Variants in SRGAP3 observed in about 807,000 individuals in gnomAD.
The protein encoded by SRGAP3 is SLIT-ROBO Rho GTPase-activating protein 3.
In SRGAP3, 39 loss-of-function variants were observed where a neutral mutation model predicts 121.1. The observed-to-expected ratio is 0.32, with a 90% CI of 0.25 to 0.42. The LOEUF (loss-of-function observed/expected upper bound fraction) is 0.42, where lower values mean the gene tolerates loss of function less well. SRGAP3 is among the 10% of genes least tolerant of loss of function. SRGAP3 has a pLI of 1.00. For synonymous variants in SRGAP3, 601 were observed against 570.0 expected (o/e 1.05, Z -0.77); for missense variants, 1,213 against 1,470.6 (o/e 0.82, Z 2.86).
chr3:9,291,233 G>C (rs913883293), intron 3 of SRGAP3, among the ~76,000 whole-genome samples: 2 of 152,142 alleles, frequency 1.3e-5, no homozygotes, highest in Non-Finnish European at 2.9e-5. Flanking sequence ...ACATGGTATG[G>C]TGAAAGCATG....
At chr3:9,316,804 A>G (rs1955354767) in intron 3 of SRGAP3, among the ~76,000 whole-genome samples, 1 of 152,336 alleles carries the variant, frequency 6.6e-6, no homozygotes, top group Non-Finnish European at 1.5e-5. Context: ...TTAAAGAAAT[A>G]CTTGATTTGA....
At chr3:9,083,947 C>T in intron 3 of SRGAP3, among the ~76,000 whole-genome samples, 1 of 152,176 alleles carries the variant, frequency 6.6e-6, no homozygotes, top group East Asian at 1.9e-4. Context: ...TTAGCTGCTG[C>T]AAAACAGTAT....
At chr3:9,019,180 G>A (rs1943788461) in intron 14 of SRGAP3, among the ~76,000 whole-genome samples, 1 of 152,174 alleles carries the variant, frequency 6.6e-6, no homozygotes, top group African/African-American at 2.4e-5. Context: ...GAATAGTCTT[G>A]TGTTTTTGTA....
intron 3 of SRGAP3, among the ~76,000 whole-genome samples, chr3:9,288,579 T>C (rs1954820475): frequency 7.2e-6 from 1 of 139,616 alleles, no homozygotes; most frequent in Non-Finnish European, 1.6e-5. Context: ...ATTCACTTTG[T>C]CTTTTTTTTT....
intron 1 of SRGAP3, among the ~76,000 whole-genome samples, chr3:9,200,104 G>A (rs1283147473): frequency 5.9e-5 from 9 of 152,222 alleles, no homozygotes; most frequent in African/African-American, 2.2e-4. Context: ...CATCGCCTGT[G>A]TGCTTGGAGG....
intron 1 of SRGAP3, among the ~76,000 whole-genome samples, chr3:9,188,191 G>C (rs1034113312): frequency 6.6e-6 from 1 of 152,166 alleles, no homozygotes; most frequent in Admixed American, 6.5e-5. Context: ...GCTGACAACT[G>C]AAAAATCCAT....
At chr3:9,182,319 A>G (rs528365587) in intron 1 of SRGAP3, among the ~76,000 whole-genome samples, 210 of 152,296 alleles carry the variant, frequency 1.4e-3, no homozygotes, top group Non-Finnish European at 2.4e-3. Context: ...TCCTGATCCA[A>G]TATGACTGAT....
intron 4 of SRGAP3, among the ~76,000 whole-genome samples, chr3:9,073,520 C>T (rs1274440666): frequency 1.3e-5 from 2 of 152,148 alleles, no homozygotes; most frequent in African/African-American, 4.8e-5. Flanking sequence ...CTTAAGCACT[C>T]GGAGTCTGGA....
Position 9,150,775 on chromosome 3 carries a change from C to T in SRGAP3, c.68-25858G>A, listed in dbSNP as rs184629487. 1.9e-3 allele frequency among the ~76,000 whole-genome samples: 283 copies of T among 152,334 alleles called. 1 individual carries two copies. The highest frequency in any genetic ancestry group is 3.2e-3 in the Non-Finnish European group (215 of 68,030). On this transcript the variant is annotated intron_variant, in intron 1 of 21. Coordinates refer to ENST00000383836, the MANE Select transcript of SRGAP3 (RefSeq NM_014850.4). The stretch of plus-strand genomic sequence containing the variant: ...AAAAAAGGGAAAAAGAACATCTCAA[C>T]GGAGGCTGTGTGTTGTGGCATTCAT...
At chr3:9,356,170 C>A (rs991252459) in intron 1 of SRGAP3, among the ~76,000 whole-genome samples, 6 of 150,874 alleles carry the variant, frequency 4.0e-5, no homozygotes, top group Non-Finnish European at 1.5e-5. Flanking sequence ...AACCGTGAGA[C>A]CTGTTTATGG....
At chr3:9,329,655 G>C (rs1033687121) in intron 2 of SRGAP3, among the ~76,000 whole-genome samples, 11 of 152,182 alleles carry the variant, frequency 7.2e-5, no homozygotes, top group Non-Finnish European at 1.6e-4. Context: ...GGAAGGTGAA[G>C]AGCTCAGGGA....
At chr3:9,019,229 G>A (rs1943792033) in intron 14 of SRGAP3, among the ~76,000 whole-genome samples, 1 of 152,228 alleles carries the variant, frequency 6.6e-6, no homozygotes, top group Non-Finnish European at 1.5e-5. Context: ...TCCCAGAAGA[G>A]GGATGGCTGG....
intron 3 of SRGAP3, among the ~76,000 whole-genome samples, chr3:9,084,420 G>A (rs1384832578): frequency 6.6e-6 from 1 of 151,952 alleles, no homozygotes; most frequent in Non-Finnish European, 1.5e-5. Context: ...ACTGAGTGCT[G>A]GCAAAAAAAG....
At chr3:9,359,944 T>C (rs1009884860) in intron 1 of SRGAP3, among the ~76,000 whole-genome samples, 4 of 152,218 alleles carry the variant, frequency 2.6e-5, no homozygotes, top group African/African-American at 9.6e-5. Context: ...GTTTTTGTTG[T>C]TTAGAGATGG....
upstream of SRGAP3, among the ~76,000 whole-genome samples, chr3:9,250,089 C>A (rs982553846): frequency 2.6e-5 from 4 of 152,246 alleles, no homozygotes; most frequent in African/African-American, 9.6e-5. Context: ...AGCAAAGCCA[C>A]GCAGAGCAGG....
At chr3:9,327,026 A>T (rs1955532051) in intron 2 of SRGAP3, among the ~76,000 whole-genome samples, 1 of 151,778 alleles carries the variant, frequency 6.6e-6, no homozygotes, top group Non-Finnish European at 1.5e-5. Context: ...AAAACCTTTC[A>T]TTATTGTTTA....
intron 20 of SRGAP3, 58 bp from the exon 21 acceptor site, chr3:8,990,897 A>C: frequency 1.4e-6 from 2 of 1,409,976 alleles, no homozygotes; most frequent in Non-Finnish European, 1.9e-6. Context: ...GGCAAGTCTC[A>C]GAATGGGTGA....
upstream of SRGAP3, among the ~76,000 whole-genome samples, chr3:9,254,563 G>A (rs1022681787): frequency 6.6e-6 from 1 of 152,114 alleles, no homozygotes; most frequent in African/African-American, 2.4e-5. Flanking sequence ...TGGGGCAAAG[G>A]CAGGAGGATC....
intron 3 of SRGAP3, among the ~76,000 whole-genome samples, chr3:9,102,100 C>T (rs1220920880): frequency 3.3e-5 from 5 of 152,218 alleles, no homozygotes; most frequent in Non-Finnish European, 7.3e-5. Flanking sequence ...GCCTCACTGC[C>T]AGACTGTGGC....
Sources: gnomAD v4.1 joint callset for allele counts (sites outside exome capture counted in the v4.1 genomes callset) on GRCh38, gnomAD v4.1.1 for gene constraint, MANE v1.5 for transcripts, NCBI Gene and HGNC (gene_info 2026-07-23, HGNC 2026-07-21) for gene names.